DRG1: variants seen among roughly 807,000 people sequenced by gnomAD.
The protein encoded by DRG1 is developmentally regulated GTP binding protein 1.
A neutral mutation model predicts 38.8 loss-of-function variants in DRG1; 19 were observed. That is an observed-to-expected ratio of 0.49 (90% CI 0.34 to 0.72). The LOEUF is 0.72. Among genes scored for constraint, DRG1 ranks in the 30% least tolerant of loss-of-function variants. DRG1 has a pLI of 0.01. For synonymous variants in DRG1, 167 were observed against 157.5 expected, an observed-to-expected ratio of 1.06 and a Z score of -0.45; for missense variants, 299 against 444.8, an observed-to-expected ratio of 0.67 and a Z score of 2.95.
chr22:31,420,418 C>G lies in DRG1; in HGVS notation c.575C>G (p.Thr192Arg). The G allele has an allele frequency of 6.2e-7, 1 of 1,614,184 alleles. No individual in the cohort carries two copies. The highest frequency in any genetic ancestry group is 8.5e-7 in the Non-Finnish European group (1 of 1,180,040). The change falls in exon 5 of 9, where the codon ACA becomes AGA. Residue 192 changes from threonine (T) to arginine (R), a missense_variant. Around this residue, in one of 3 missense-constraint regions of DRG1, gnomAD observed 198 missense variants for 268.1 expected, o/e 0.74. Transcript: ENST00000331457. ...AAGGACAAGGGAGGCATTAATCTCACAGCCACTGTAAGTGGGGAATATGAC... is the reference window on the plus strand; with the variant it reads ...AAGGACAAGGGAGGCATTAATCTCAGAGCCACTGTAAGTGGGGAATATGAC... ...KKKDKGGINLTATCPQSELDA... is the reference protein window; with the variant it reads ...KKKDKGGINLRATCPQSELDA...
chr22:31,401,780 G>A (rs545325800), intron 2 of DRG1, among the ~76,000 whole-genome samples: 20 of 152,076 alleles, frequency 1.3e-4, no homozygotes, highest in African/African-American at 4.6e-4. Flanking sequence ...AGGGCCAGGC[G>A]CGGTGGCTCA....
chr22:31,431,668 C>G (rs898227203), intron 8 of DRG1, among the ~76,000 whole-genome samples: 5 of 152,176 alleles, frequency 3.3e-5, no homozygotes, highest in Non-Finnish European at 7.4e-5. Context: ...GACCCTTCCT[C>G]AAAAAACCAA....
At chr22:31,422,665 G>A (rs2050083430) in intron 5 of DRG1, among the ~76,000 whole-genome samples, 1 of 152,154 alleles carries the variant, frequency 6.6e-6, no homozygotes, top group Admixed American at 6.5e-5. Context: ...CAGCTGTCCT[G>A]CCCAAAACAT....
intron 2 of DRG1, among the ~76,000 whole-genome samples, chr22:31,401,430 T>C (rs1463020274): frequency 6.6e-6 from 1 of 151,530 alleles, no homozygotes. Context: ...AATACAAAAA[T>C]TAGCTGGGCA....
At chr22:31,414,990 G>T (rs979623721) in intron 4 of DRG1, among the ~76,000 whole-genome samples, 4 of 151,870 alleles carry the variant, frequency 2.6e-5, no homozygotes, top group African/African-American at 9.7e-5. Flanking sequence ...TGTTCAGGGT[G>T]GTCTCGAAAA....
chr22:31,434,114 A>G lies in DRG1; in HGVS notation c.*143A>G, dbSNP rs2050158723. The G allele has an allele frequency of 1.5e-6, 1 of 673,376 alleles. No homozygotes were observed. The highest frequency in any genetic ancestry group is 2.6e-6 in the Non-Finnish European group (1 of 389,904). The allele number at this position is 673,376 out of a possible 1,614,324, so 41.7% of individuals were successfully genotyped here. ...ATGGAGGCACCCAAACTGGAACTTC[A>G]TTTGTCTTACCTTGGTGTCACCTTG... On this transcript the variant is annotated 3_prime_UTR_variant, in exon 9 of 9. Coordinates refer to ENST00000331457, the MANE Select transcript of DRG1 (RefSeq NM_004147.4).
At chr22:31,401,853 C>A (rs1236763977) in intron 2 of DRG1, among the ~76,000 whole-genome samples, 1 of 151,952 alleles carries the variant, frequency 6.6e-6, no homozygotes, top group Non-Finnish European at 1.5e-5. Context: ...GAGTTCGAGA[C>A]TAGCCTGACC....
At chr22:31,426,580 C>T in intron 6 of DRG1, 35 bp from the exon 7 acceptor site, 5 of 1,574,522 alleles carry the variant, frequency 3.2e-6, no homozygotes, top group Non-Finnish European at 4.3e-6. Flanking sequence ...TCAACAACTC[C>T]AGACTAATAC....
rs1446314474 is a variant in DRG1, at chr22:31,403,100, C to G, written c.238C>G (p.Leu80Val). 1.9e-6 allele frequency: 3 copies of G among 1,614,072 alleles called. No homozygotes were observed. The highest frequency in any genetic ancestry group is 2.5e-6 in the Non-Finnish European group (3 of 1,180,036). Residue 80 changes from leucine (L) to valine (V), a missense_variant, in exon 3 of 9, where the codon CTG becomes GTG. This residue lies in a region of DRG1 where 50 missense variants were observed against 120.6 expected (regional missense o/e 0.41). Coordinates refer to ENST00000331457, the MANE Select transcript of DRG1 (RefSeq NM_004147.4). The stretch of plus-strand genomic sequence containing the variant: ...TTTTCCATCTGTGGGGAAGTCAACA[C>G]TGCTTAGTAACCTGGCAGGGGTATA... ...VGFPSVGKST[L>V]LSNLAGVYSE... is the part of the protein sequence containing the mutation.
At chr22:31,399,763 C>T in intron 1 of DRG1, 38 bp downstream of exon 1, 1 of 1,613,884 alleles carries the variant, frequency 6.2e-7, no homozygotes, top group Non-Finnish European at 8.5e-7. Flanking sequence ...TTAGTCTGAG[C>T]ATTCCTTCTT....
At chr22:31,423,431 CTG>C in intron 6 of DRG1, 21 bp downstream of exon 6, 1 of 1,611,034 alleles carries the variant, frequency 6.2e-7, no homozygotes, top group Non-Finnish European at 8.5e-7. Flanking sequence ...AGTGTGCAGT[CTG>C]TGCCTGACTG....
At chr22:31,418,465 AAG>A (rs1339153085) in intron 4 of DRG1, among the ~76,000 whole-genome samples, 1 of 152,044 alleles carries the variant, frequency 6.6e-6, no homozygotes, top group Non-Finnish European at 1.5e-5. Context: ...CTCTTCAAAA[AAG>A]AGAATTTTAA....
At position 31,434,123 on chromosome 22, in the gene DRG1, ACCTTGGTGT is replaced by A; in HGVS notation, c.*154_*162del. On this transcript the variant is annotated 3_prime_UTR_variant, in exon 9 of 9. Coordinates refer to ENST00000331457, the MANE Select transcript of DRG1 (RefSeq NM_004147.4). ...CCCAAACTGGAACTTCATTTGTCTT[ACCTTGGTGT>A]CACCTTGTATGTCGAACTGCATAAA... is the stretch of plus-strand genomic sequence containing the variant. The A allele has an allele frequency of 1.6e-6, 1 of 635,852 alleles. No individual in the cohort carries two copies. The highest frequency in any genetic ancestry group is 2.7e-5 in the Admixed American group (1 of 37,012). The allele number at this position is 635,852 out of a possible 1,614,324, so 39.4% of individuals were successfully genotyped here.
At chr22:31,433,801 TGGCATCC>T in intron 8 of DRG1, 64 bp from the exon 9 acceptor site, 1 of 1,359,260 alleles carries the variant, frequency 7.4e-7, no homozygotes, top group South Asian at 1.2e-5. Flanking sequence ...AGCAGAAGGG[TGGCATCC>T]AGGCAAATAG....
intron 2 of DRG1, among the ~76,000 whole-genome samples, chr22:31,402,415 C>T (rs1476454500): frequency 2.0e-5 from 3 of 151,974 alleles, no homozygotes; most frequent in Non-Finnish European, 4.4e-5. Context: ...AAGGGCAGCT[C>T]CTCCATAGGC....
In DRG1 at chr22:31,433,201, A is replaced by G. The variant is rs989608551; in HGVS notation, c.1005-671A>G. Among the ~76,000 whole-genome samples, 6 of 151,940 alleles carry G rather than the reference A, an allele frequency of 3.9e-5. No homozygotes were observed. The East Asian group carries it at 5.8e-4, about 15-fold the overall frequency. ...AAAAACAGGTATTCTCTAACAGTCT[A>G]TAAGTGATATTGTATCTGTAAGAAT... On this transcript the variant is annotated intron_variant, in intron 8 of 8. Transcript: ENST00000331457.
At chr22:31,407,242 C>T (rs185257652) in intron 3 of DRG1, among the ~76,000 whole-genome samples, 1 of 152,100 alleles carries the variant, frequency 6.6e-6, no homozygotes. Context: ...AGGGGAGATA[C>T]TTCAAGAAGA....
intron 4 of DRG1, among the ~76,000 whole-genome samples, chr22:31,418,529 G>C (rs1299727122): frequency 6.6e-6 from 1 of 151,822 alleles, no homozygotes; most frequent in Non-Finnish European, 1.5e-5. Flanking sequence ...TTTTTTCTGA[G>C]ATGGCGCTCT....
chr22:31,426,524 G>C (rs1282035970), intron 6 of DRG1, 91 bp from the exon 7 acceptor site: 1 of 1,162,100 alleles, frequency 8.6e-7, no homozygotes, highest in Non-Finnish European at 1.2e-6. Context: ...GGGAGCGCCA[G>C]TTGGGTCTGG....
Sources: gnomAD v4.1 joint callset for allele counts (sites outside exome capture counted in the v4.1 genomes callset) on GRCh38, gnomAD v4.1.1 for gene constraint, gnomAD v4.1.1 regional missense constraint, MANE v1.5 for transcripts, NCBI Gene and HGNC (gene_info 2026-07-23, HGNC 2026-07-21) for gene names.